Variants in NRTN observed in about 807,000 individuals in gnomAD.
The protein encoded by NRTN is prepro-neurturin.
In NRTN, 3 loss-of-function variants were observed where a neutral mutation model predicts 7.5. That is an observed-to-expected ratio of 0.40 (90% confidence interval 0.18 to 1.03). NRTN has a LOEUF of 1.03. Ranked by LOEUF, NRTN falls within the 50% of genes least tolerant of loss-of-function variation. NRTN has a pLI of 0.34. For synonymous variants in NRTN, 157 were observed against 146.6 expected (o/e 1.07, Z -0.51); for missense variants, 310 against 307.0 (o/e 1.01, Z -0.07).
At chr19:5,817,994 C>T (rs60538197) in intron 1 of NRTN, among the ~76,000 whole-genome samples, 20,964 of 149,168 alleles carry the variant, frequency 0.14, 2,205 homozygotes, top group East Asian at 0.45. Context: ...GATGGAGTCT[C>T]GCTCTGTCGC....
chr19:5,817,057 C>G (rs1210528340), intron 1 of NRTN, among the ~76,000 whole-genome samples: 4 of 151,978 alleles, frequency 2.6e-5, no homozygotes, highest in Non-Finnish European at 5.9e-5. Flanking sequence ...AAAATACTGG[C>G]TGGGTGCAGT....
chr19:5,818,108 C>T lies in NRTN; in HGVS notation c.-398-5660C>T, dbSNP rs543133142. Among the ~76,000 whole-genome samples the T allele has an allele frequency of 5.3e-5, 8 of 152,134 alleles. 1 individual carries two copies. The East Asian group carries it at 9.7e-4, about 18-fold the overall frequency. Reference sequence around the variant, plus strand: ...CTTCCCGAGTAGCTGAGATTACAGGCGCCCACCACCACACCCGGCTAATTT... The same window carrying T: ...CTTCCCGAGTAGCTGAGATTACAGGTGCCCACCACCACACCCGGCTAATTT... On this transcript the variant is annotated intron_variant, in intron 1 of 2. Transcript: ENST00000303212.
chr19:5,817,525 G>T (rs146715395), intron 1 of NRTN, among the ~76,000 whole-genome samples: 3,144 of 127,140 alleles, frequency 0.025, 35 homozygotes, highest in Middle Eastern at 0.078. Context: ...GGGAGAGAGA[G>T]AGGAAGAAAA....
intron 1 of NRTN, among the ~76,000 whole-genome samples, chr19:5,813,530 C>T (rs574284122): frequency 4.6e-5 from 7 of 152,204 alleles, no homozygotes; most frequent in South Asian, 2.1e-4. Context: ...AAAAATTAAC[C>T]AGGCATGGTG....
At position 5,828,134 on chromosome 19, in the gene NRTN, G is replaced by T; in HGVS notation, c.555G>T (p.Thr185=). 7 of 1,515,138 alleles carry T rather than the reference G, an allele frequency of 4.6e-6. No individual in the cohort carries two copies. Among genetic ancestry groups the T allele is most frequent in the East Asian group, 2.6e-5 (1 of 37,894 alleles). The allele number at this position is 1,515,138 out of a possible 1,614,324, so 93.9% of individuals were successfully genotyped here. A position where few individuals can be genotyped will look rare whatever the true frequency, so the allele number is the denominator to read the frequency against. Residue 185 remains threonine (T), a synonymous_variant, in exon 3 of 3, where the codon ACG becomes ACT. Transcript: ENST00000303212. ...TGGACGCGCACAGCCGCTACCACAC[G>T]GTGCACGAGCTGTCGGCGCGCGAGT... is the stretch of plus-strand genomic sequence containing the variant. ...SFLDAHSRYH[T]VHELSARECA...
At chr19:5,813,272 T>A (rs376398660) in intron 1 of NRTN, among the ~76,000 whole-genome samples, 14 of 150,988 alleles carry the variant, frequency 9.3e-5, no homozygotes, top group African/African-American at 2.9e-4. Flanking sequence ...CAGTGGTTCA[T>A]GCCTATAATT....
At chr19:5,815,229 T>C (rs1463394898) in intron 1 of NRTN, among the ~76,000 whole-genome samples, 2 of 152,194 alleles carry the variant, frequency 1.3e-5, no homozygotes, top group Non-Finnish European at 2.9e-5. Context: ...CTCTTGTGTG[T>C]GTCTCTGTGA....
chr19:5,805,813 C>G (rs2056973576), intron 1 of NRTN, among the ~76,000 whole-genome samples: 1 of 152,018 alleles, frequency 6.6e-6, no homozygotes, highest in Non-Finnish European at 1.5e-5. Context: ...CCCAGACAGC[C>G]CTTTAGCCAT....
Position 5,828,206 on chromosome 19 carries a change from C to G in NRTN, c.*33C>G, listed in dbSNP as rs750165413. The G allele has an allele frequency of 7.2e-6, 11 of 1,524,066 alleles. No homozygotes were observed. The African/African-American group carries it at 8.3e-5, about 12-fold the overall frequency. 94.4% of individuals were successfully genotyped at this position (1,524,066 alleles called of 1,614,324 possible). On this transcript the variant is annotated 3_prime_UTR_variant, in exon 3 of 3. Coordinates refer to ENST00000303212, the MANE Select transcript of NRTN (RefSeq NM_004558.5). Reference sequence around the variant, plus strand: ...TCACTCGGCCGGCGCGGCGGCCACTCCCCCCGCCTCGACGGCACCACTGGC... The same window carrying G: ...TCACTCGGCCGGCGCGGCGGCCACTGCCCCCGCCTCGACGGCACCACTGGC...
chr19:5,808,890 G>A (rs1431248057), intron 1 of NRTN, among the ~76,000 whole-genome samples: 1 of 151,664 alleles, frequency 6.6e-6, no homozygotes, highest in African/African-American at 2.4e-5. Context: ...CGAGTAGCTG[G>A]GACTACAGGC....
chr19:5,813,234 A>T (rs941566387), intron 1 of NRTN, among the ~76,000 whole-genome samples: 50 of 148,104 alleles, frequency 3.4e-4, no homozygotes, highest in African/African-American at 9.4e-4. Flanking sequence ...TTTTTAATTT[A>T]AAAAAAAAAA....
intron 1 of NRTN, among the ~76,000 whole-genome samples, chr19:5,808,052 C>A (rs2056979295): frequency 6.6e-6 from 1 of 152,198 alleles, no homozygotes; most frequent in South Asian, 2.1e-4. Context: ...CACTGCACTC[C>A]AGCCTGGGTG....
chr19:5,816,452 C>T (rs1225051903), intron 1 of NRTN, among the ~76,000 whole-genome samples: 1 of 152,148 alleles, frequency 6.6e-6, no homozygotes, highest in African/African-American at 2.4e-5. Context: ...AGTCTCGGCT[C>T]GCTGCAACCT....
rs187745880 is a variant in NRTN at position 5,822,443 on chromosome 19, T to C, written c.-398-1325T>C. ...CGGGAGGGGGAATGTAAACTCGGGC[T>C]GGGGGCCGCGGGACGCTCGGGAGGA... On this transcript the variant is annotated intron_variant, in intron 1 of 2. Transcript: ENST00000303212. Among the ~76,000 whole-genome samples the C allele has an allele frequency of 3.2e-3, 482 of 152,276 alleles. 3 individuals are homozygous for C. Among genetic ancestry groups the C allele is most frequent in the African/African-American group, 0.011 (469 of 41,556 alleles).
intron 2 of NRTN, among the ~76,000 whole-genome samples, chr19:5,824,609 C>T (rs2144767715): frequency 6.6e-6 from 1 of 152,226 alleles, no homozygotes; most frequent in South Asian, 2.1e-4. Context: ...GCGAGACCGC[C>T]ATCTCTACAA....
chr19:5,810,737 T>TG (rs2056987873), intron 1 of NRTN, among the ~76,000 whole-genome samples: 2 of 152,118 alleles, frequency 1.3e-5, no homozygotes, highest in South Asian at 4.2e-4. Flanking sequence ...AAGACCACCC[T>TG]GGCCAACATG....
At chr19:5,808,535 G>A (rs2056980459) in intron 1 of NRTN, among the ~76,000 whole-genome samples, 2 of 152,204 alleles carry the variant, frequency 1.3e-5, no homozygotes, top group South Asian at 4.1e-4. Flanking sequence ...TGGGTGGCGG[G>A]TACAGGAAGA....
chr19:5,814,012 A>AAT (rs142894530), intron 1 of NRTN, among the ~76,000 whole-genome samples: 70 of 151,434 alleles, frequency 4.6e-4, no homozygotes, highest in African/African-American at 1.4e-3. Context: ...CGTCTCAAAA[A>AAT]ATATATATAT....
At chr19:5,813,559 AC>A (rs1217124538) in intron 1 of NRTN, among the ~76,000 whole-genome samples, 16 of 151,974 alleles carry the variant, frequency 1.1e-4, no homozygotes, top group Non-Finnish European at 4.4e-5. Flanking sequence ...CTGTAATCCT[AC>A]CTACTCGGGA....
Sources: gnomAD v4.1 joint callset for allele counts (sites outside exome capture counted in the v4.1 genomes callset) on GRCh38, gnomAD v4.1.1 for gene constraint, MANE v1.5 for transcripts, NCBI Gene and HGNC (gene_info 2026-07-23, HGNC 2026-07-21) for gene names.